NFIB: variants seen among roughly 807,000 people sequenced by gnomAD.
NFIB encodes nuclear factor I B, also known as nuclear factor 1 B-type.
A neutral mutation model predicts 61.5 loss-of-function variants in NFIB; 11 were observed. The observed-to-expected ratio is 0.18, with a 90% confidence interval of 0.11 to 0.30. NFIB has a LOEUF of 0.30. Among genes scored for constraint, NFIB ranks in the 10% least tolerant of loss-of-function variants. The pLI is 1.00. For synonymous variants in NFIB, 260 were observed against 216.5 expected (o/e 1.20, Z -1.76); for missense variants, 471 against 608.9 (o/e 0.77, Z 2.38).
At chr9:14,195,222 AC>A (rs1014660579) in intron 2 of NFIB, among the ~76,000 whole-genome samples, 8 of 152,154 alleles carry the variant, frequency 5.3e-5, no homozygotes, top group Non-Finnish European at 1.2e-4. Flanking sequence ...GAGAATTTAA[AC>A]CGCCAGAGAT....
Position 14,166,228 on chromosome 9 carries a change from C to G in NFIB, c.617-10335G>C, listed in dbSNP as rs571503149. 3.9e-5 allele frequency among the ~76,000 whole-genome samples: 6 copies of G among 152,038 alleles called. No individual in the cohort carries two copies. The South Asian group carries it at 1.2e-3, about 32-fold the overall frequency. On this transcript the variant is annotated intron_variant, in intron 3 of 10. Transcript: ENST00000380953. Reference sequence around the variant, plus strand: ...TTCATATATTTATGGTTATACTTTCCTGTTCTTAATTTTTTTATTGAGTCA... The same window carrying G: ...TTCATATATTTATGGTTATACTTTCGTGTTCTTAATTTTTTTATTGAGTCA...
At chr9:14,278,197 A>C (rs2132403597) in intron 2 of NFIB, among the ~76,000 whole-genome samples, 1 of 152,348 alleles carries the variant, frequency 6.6e-6, no homozygotes, top group East Asian at 1.9e-4. Flanking sequence ...CACGTGGAGA[A>C]CACCATGGGA....
the NFIB span, among the ~76,000 whole-genome samples, chr9:14,498,801 T>TCCTC: frequency 6.6e-5 from 3 of 45,644 alleles, no homozygotes; most frequent in African/African-American, 3.4e-4. Context: ...CTCCCTCCCT[T>TCCTC]CCTCCCTTCC....
chr9:14,239,500 T>C (rs1479410859), intron 2 of NFIB, among the ~76,000 whole-genome samples: 3 of 152,172 alleles, frequency 2.0e-5, no homozygotes, highest in Non-Finnish European at 4.4e-5. Flanking sequence ...CTACCAGTTG[T>C]GTATGATCTA....
At chr9:14,145,965 C>G (rs2042239907) in intron 6 of NFIB, among the ~76,000 whole-genome samples, 2 of 151,968 alleles carry the variant, frequency 1.3e-5, no homozygotes, top group South Asian at 4.1e-4. Flanking sequence ...TGCTTACATA[C>G]CAACAAAAAC....
At chr9:14,314,222 G>A (rs2060433136), upstream of NFIB, 1 of 845,502 alleles carries the variant, frequency 1.2e-6, no homozygotes, top group Non-Finnish European at 1.4e-6. Context: ...GCCGGGGTGA[G>A]GGAGGGGGCG....
At chr9:14,433,751 A>C in the NFIB span, among the ~76,000 whole-genome samples, 1 of 152,180 alleles carries the variant, frequency 6.6e-6, no homozygotes, top group African/African-American at 2.4e-5. Flanking sequence ...CCCCACACAC[A>C]ACACACTTGC....
intron 1 of NFIB, among the ~76,000 whole-genome samples, chr9:14,323,589 C>T (rs1324480881): frequency 2.0e-5 from 3 of 152,166 alleles, no homozygotes; most frequent in African/African-American, 4.8e-5. Context: ...CAACAGACGA[C>T]GATAGCTTCA....
chr9:14,431,077 C>G, the NFIB span, among the ~76,000 whole-genome samples: 10,003 of 152,174 alleles, frequency 0.066, 440 homozygotes, highest in South Asian at 0.16. Context: ...CAATGTAATT[C>G]AAAATTAGAA....
the NFIB span, among the ~76,000 whole-genome samples, chr9:14,494,677 C>G: frequency 6.6e-6 from 1 of 152,228 alleles, no homozygotes; most frequent in African/African-American, 2.4e-5. Flanking sequence ...AGCATGCCCA[C>G]TCCTTCCTAC....
At chr9:14,206,426 C>A (rs534276445) in intron 2 of NFIB, among the ~76,000 whole-genome samples, 13 of 152,002 alleles carry the variant, frequency 8.6e-5, no homozygotes, top group Non-Finnish European at 1.9e-4. Flanking sequence ...GCCTCGGCCT[C>A]GCAAACTGCT....
intron 3 of NFIB, among the ~76,000 whole-genome samples, chr9:14,164,329 A>C (rs535973739): frequency 2.0e-5 from 3 of 152,164 alleles, no homozygotes; most frequent in East Asian, 1.9e-4. Context: ...ACTTACACAA[A>C]CCTAGATGGT....
At chr9:14,449,597 G>A in the NFIB span, among the ~76,000 whole-genome samples, 1 of 152,102 alleles carries the variant, frequency 6.6e-6, no homozygotes, top group African/African-American at 2.4e-5. Flanking sequence ...TATAATCCCT[G>A]TTCATGCTGG....
chr9:14,271,325 T>C (rs1435202745), intron 2 of NFIB, among the ~76,000 whole-genome samples: 1 of 151,888 alleles, frequency 6.6e-6, no homozygotes, highest in Non-Finnish European at 1.5e-5. Flanking sequence ...CGGATAGTTA[T>C]CTAACTGAGG....
At position 14,314,003 on chromosome 9, in the gene NFIB, G is replaced by C; in HGVS notation, c.-492C>G. ...GAGCGGGCGGGCGGGAGGGAGAGCG[G>C]GGAGAATGTGTCACCGCGCTGGGAA... On this transcript the variant is annotated 5_prime_UTR_variant, in exon 1 of 11. Transcript: ENST00000380953. The C allele has an allele frequency of 5.6e-6, 6 of 1,066,786 alleles. No homozygotes were observed. The highest frequency in any genetic ancestry group is 6.8e-6 in the Non-Finnish European group (6 of 881,736). The allele number at this position is 1,066,786 out of a possible 1,614,324, so 66.1% of individuals were successfully genotyped here. A position where few individuals can be genotyped will look rare whatever the true frequency, so the allele number is the denominator to read the frequency against.
In NFIB at chr9:14,085,140, G is replaced by A. The variant is rs373353543; in HGVS notation, c.*3169C>T. On this transcript the variant is annotated 3_prime_UTR_variant, in exon 11 of 11. Transcript: ENST00000380953. The stretch of plus-strand genomic sequence containing the variant: ...TTTGAACTTGCACTGCTAGGATCCC[G>A]CTGTGCTGTTCAGCATTTGGGCTAT... 72 of 229,322 alleles carry A rather than the reference G, an allele frequency of 3.1e-4. No homozygotes were observed. The highest frequency in any genetic ancestry group is 9.1e-4 in the African/African-American group (41 of 45,124). 14.2% of individuals were successfully genotyped at this position (229,322 alleles called of 1,614,324 possible).
chr9:14,225,456 C>CAAAAAAAAAAAAAAAAAAAAAAAAA (rs1228589594), intron 2 of NFIB, among the ~76,000 whole-genome samples: 4 of 58,018 alleles, frequency 6.9e-5, no homozygotes, highest in South Asian at 4.7e-4. Flanking sequence ...GACTCCGTCT[C>CAAAAAAAAAAAAAAAAAAAAAAAAA]AAAAAAAAAA....
intron 1 of NFIB, among the ~76,000 whole-genome samples, chr9:14,382,322 G>A (rs529761431): frequency 1.1e-4 from 17 of 151,782 alleles, no homozygotes; most frequent in African/African-American, 4.1e-4. Flanking sequence ...AATTGTTGAC[G>A]GCACCAGGGA....
Position 14,313,414 on chromosome 9 carries a change from C to A in NFIB, c.30+68G>T, listed in dbSNP as rs368777052. Reference sequence around the variant, plus strand: ...AGGTTAACTCAAGCCGCTAATTGTCCGCAACAAAACAAAACAAAGGCATTT... The same window carrying A: ...AGGTTAACTCAAGCCGCTAATTGTCAGCAACAAAACAAAACAAAGGCATTT... On this transcript the variant is annotated intron_variant, in intron 1 of 10. Coordinates refer to ENST00000380953, the MANE Select transcript of NFIB (RefSeq NM_001190737.2). This position sits in a 1 kb window ranked among gnomAD's most constrained non-coding sequence, Gnocchi z 4.5. 6.8e-6 allele frequency: 11 copies of A among 1,607,930 alleles called. No homozygotes were observed. The African/African-American group carries it at 1.2e-4, about 18-fold the overall frequency.
Sources: gnomAD v4.1 joint callset for allele counts (sites outside exome capture counted in the v4.1 genomes callset) on GRCh38, gnomAD v4.1.1 for gene constraint, Gnocchi (gnomAD v3.1) non-coding constraint, MANE v1.5 for transcripts, NCBI Gene and HGNC (gene_info 2026-07-23, HGNC 2026-07-21) for gene names.